PCDHA7: variants seen among roughly 807,000 people sequenced by gnomAD.
The protein encoded by PCDHA7 is protocadherin alpha-7.
Under a neutral mutation model 57.2 loss-of-function variants are expected in PCDHA7, and 37 were observed. That is an observed-to-expected ratio of 0.65 (90% confidence interval 0.50 to 0.85). The LOEUF is 0.85. PCDHA7 is among the 40% of genes least tolerant of loss of function. The probability of loss-of-function intolerance (pLI) is 0.00; values close to 1 mark genes in which losing one functional copy is unlikely to be tolerated. For synonymous variants in PCDHA7, 553 were observed against 558.8 expected (o/e 0.99, Z 0.15); for missense variants, 1,188 against 1,241.8 (o/e 0.96, Z 0.65).
At chr5:140,966,777 C>T (rs1554228636) in intron 1 of PCDHA7, 2 of 1,510,822 alleles carry the variant, frequency 1.3e-6, no homozygotes, top group Non-Finnish European at 1.8e-6. Context: ...ATGGAGCAGG[C>T]GGGCACCAGA....
At chr5:140,933,106 C>T (rs2088855819) in intron 1 of PCDHA7, among the ~76,000 whole-genome samples, 1 of 151,884 alleles carries the variant, frequency 6.6e-6, no homozygotes. Context: ...AAAGGTTGTT[C>T]TTAAGAAACA....
intron 1 of PCDHA7, among the ~76,000 whole-genome samples, chr5:140,878,558 C>T: frequency 6.6e-6 from 1 of 152,172 alleles, no homozygotes; most frequent in African/African-American, 2.4e-5. Flanking sequence ...TGATCCCAAA[C>T]TTATCATAGT....
At chr5:140,971,462 A>G (rs1554233357) in intron 1 of PCDHA7, among the ~76,000 whole-genome samples, 1 of 152,184 alleles carries the variant, frequency 6.6e-6, no homozygotes, top group African/African-American at 2.4e-5. Flanking sequence ...TTTTGCAGTT[A>G]TAGGGAGAGA....
intron 1 of PCDHA7, among the ~76,000 whole-genome samples, chr5:140,945,159 A>G (rs1341706509): frequency 2.0e-5 from 3 of 152,178 alleles, no homozygotes; most frequent in Non-Finnish European, 4.4e-5. Flanking sequence ...TACACTATTG[A>G]ACTATCTGAA....
intron 1 of PCDHA7, chr5:140,841,994 A>T: frequency 6.2e-6 from 10 of 1,613,788 alleles, no homozygotes; most frequent in Non-Finnish European, 8.5e-6. Flanking sequence ...GCTCACAGGC[A>T]CTGTTCAGCT....
intron 1 of PCDHA7, chr5:140,927,725 C>T (rs782731204): frequency 1.2e-6 from 2 of 1,614,202 alleles, no homozygotes; most frequent in South Asian, 2.2e-5. Flanking sequence ...AGCACGCAAG[C>T]AGAGCTGCGA....
chr5:140,867,344 C>G (rs2049899948), intron 1 of PCDHA7: 1 of 152,034 alleles, frequency 6.6e-6, no homozygotes, highest in South Asian at 2.1e-4. Flanking sequence ...TTAGAGGCTA[C>G]TATGATTGAT....
intron 1 of PCDHA7, chr5:140,841,169 T>G (rs1426185957): frequency 4.1e-6 from 4 of 972,304 alleles, no homozygotes; most frequent in Non-Finnish European, 6.0e-6. Context: ...GAAGTTCTGG[T>G]TGGTCAATGT....
rs782343836 is a variant in PCDHA7 at position 140,869,112 on chromosome 5, T to C, written c.2355+32374T>C. 17 of 1,604,108 alleles carry C rather than the reference T, an allele frequency of 1.1e-5. No individual in the cohort carries two copies. The South Asian group carries it at 1.5e-4, about 15-fold the overall frequency. On this transcript the variant is annotated intron_variant, in intron 1 of 3. Coordinates refer to ENST00000525929, the MANE Select transcript of PCDHA7 (RefSeq NM_018910.3). ...AGCCAATTTCGTATGCGATGTTTGG[T>C]TTTCAGAGAAGGGGATTGGGCACCC...
intron 1 of PCDHA7, among the ~76,000 whole-genome samples, chr5:140,960,030 C>T (rs75063622): frequency 0.012 from 1,781 of 152,150 alleles, 34 homozygotes; most frequent in African/African-American, 0.039. Flanking sequence ...TTGTTAAGTC[C>T]GGCTGTTTAT....
rs1262601662 is a variant in PCDHA7, at chr5:141,011,550, A to C, written c.*1613A>C. On this transcript the variant is annotated 3_prime_UTR_variant, in exon 4 of 4. Coordinates refer to ENST00000525929, the MANE Select transcript of PCDHA7 (RefSeq NM_018910.3). ...CATTGTTAATCAGCTTTTGTGTATG[A>C]AAGACACAGTAAAATTTCTTTCTTA... 6 of 153,770 alleles carry C rather than the reference A, an allele frequency of 3.9e-5. No homozygotes were observed. The highest frequency in any genetic ancestry group is 1.4e-4 in the African/African-American group (6 of 41,462). The allele number at this position is 153,770 out of a possible 1,614,324, so 9.5% of individuals were successfully genotyped here. A position where few individuals can be genotyped will look rare whatever the true frequency, so the allele number is the denominator to read the frequency against.
At position 140,835,749 on chromosome 5, in the gene PCDHA7, G is replaced by A; in HGVS notation, c.1366G>A (p.Ala456Thr). 6.2e-7 allele frequency: 1 copy of A among 1,613,432 alleles called. No homozygotes were observed. The highest frequency in any genetic ancestry group is 8.5e-7 in the Non-Finnish European group (1 of 1,179,786). Residue 456 changes from alanine to threonine, a missense_variant, in exon 1 of 4, where the codon GCG becomes ACG. Ala to Thr is a moderately conservative substitution (Grantham distance 58). Coordinates refer to ENST00000525929, the MANE Select transcript of PCDHA7 (RefSeq NM_018910.3). ...CGTGAACGACAACGCCCCGGCGTTC[G>A]CGCAGCCCGAGTATACGGTGTTCGT... ...ADVNDNAPAFAQPEYTVFVKE... is the reference protein window; with the variant it reads ...ADVNDNAPAFTQPEYTVFVKE...
chr5:140,966,974 C>A, intron 1 of PCDHA7: 1 of 1,602,874 alleles, frequency 6.2e-7, no homozygotes, highest in Non-Finnish European at 8.5e-7. Context: ...GCTTGAGCTG[C>A]GGCGCTTGGG....
At position 140,836,213 on chromosome 5, in the gene PCDHA7, G is replaced by T; in HGVS notation, c.1830G>T (p.Glu610Asp). Reference sequence around the variant, plus strand: ...GCTACAACGCGTGGCTTTCGTATGAGTTGCAACCGGTGGCGGCCGGTGCGA... The same window carrying T: ...GCTACAACGCGTGGCTTTCGTATGATTTGCAACCGGTGGCGGCCGGTGCGA... ...DSGYNAWLSYELQPVAAGASI... is the reference protein window; with the variant it reads ...DSGYNAWLSYDLQPVAAGASI... Residue 610 changes from glutamate to aspartate, a missense_variant, in exon 1 of 4, where the codon GAG (glutamate) becomes GAT (aspartate). Physicochemically the swap from Glu to Asp is conservative, Grantham distance 45. This residue lies in a region of PCDHA7 where 892 missense variants were observed against 788.5 expected (regional missense o/e 1.13). Coordinates refer to ENST00000525929, the MANE Select transcript of PCDHA7 (RefSeq NM_018910.3). 4 of 1,613,848 alleles carry T rather than the reference G, an allele frequency of 2.5e-6. No homozygotes were observed. The highest frequency in any genetic ancestry group is 2.5e-6 in the Non-Finnish European group (3 of 1,179,820).
chr5:140,877,015 G>T lies in PCDHA7; in HGVS notation c.2355+40277G>T, dbSNP rs371309003. The T allele has an allele frequency of 1.6e-5, 26 of 1,612,358 alleles. No individual in the cohort carries two copies. Among genetic ancestry groups the T allele is most frequent in the African/African-American group, 4.0e-5 (3 of 74,900 alleles). On this transcript the variant is annotated intron_variant, in intron 1 of 3. Transcript: ENST00000525929. The stretch of plus-strand genomic sequence containing the variant: ...CTACGTGTCGGTGCACGCGGAGAGC[G>T]GCAAGGTGTACGCGCTGCAGCCGCT...
intron 3 of PCDHA7, among the ~76,000 whole-genome samples, chr5:141,007,302 G>A (rs1211833053): frequency 6.7e-6 from 1 of 150,298 alleles, no homozygotes; most frequent in Non-Finnish European, 1.5e-5. Context: ...TGTAATCTTA[G>A]CATTTTGGGA....
Position 140,864,265 on chromosome 5 carries a change from TC to T in PCDHA7, c.2355+27529del, listed in dbSNP as rs534238956. On this transcript the variant is annotated intron_variant, in intron 1 of 3. Coordinates refer to ENST00000525929, the MANE Select transcript of PCDHA7 (RefSeq NM_018910.3). ...ATTCATTTTCTTATTCTGATTTGTG[TC>T]CTCCATTCCTTATTGTTTTTATGTA... 9 of 152,340 alleles carry T rather than the reference TC, an allele frequency of 5.9e-5. No individual in the cohort carries two copies. In the East Asian group the frequency reaches 1.3e-3, roughly 23 times the overall value. The allele number at this position is 152,340 out of a possible 1,614,324, so 9.4% of individuals were successfully genotyped here.
intron 1 of PCDHA7, chr5:140,857,917 G>A: frequency 6.3e-7 from 1 of 1,597,868 alleles, no homozygotes; most frequent in South Asian, 1.1e-5. Context: ...CGTTTCGCGT[G>A]GGGCTGTACA....
intron 1 of PCDHA7, chr5:140,883,975 G>A (rs1167945773): frequency 1.2e-6 from 2 of 1,612,842 alleles, no homozygotes; most frequent in African/African-American, 2.7e-5. Flanking sequence ...TGACGCCCGG[G>A]GCTGGCAGCG....
Sources: gnomAD v4.1 joint callset for allele counts (sites outside exome capture counted in the v4.1 genomes callset) on GRCh38, gnomAD v4.1.1 for gene constraint, gnomAD v4.1.1 regional missense constraint, MANE v1.5 for transcripts, NCBI Gene and HGNC (gene_info 2026-07-23, HGNC 2026-07-21) for gene names.